COL25A1: variants seen among roughly 807,000 people sequenced by gnomAD.
The protein encoded by COL25A1 is collagen alpha-1(XXV) chain.
In COL25A1, 103 loss-of-function variants were observed where a neutral mutation model predicts 128.4. The observed-to-expected ratio is 0.80, with a 90% confidence interval of 0.68 to 0.94. COL25A1 has a LOEUF of 0.94. Ranked by LOEUF, COL25A1 falls within the 40% of genes least tolerant of loss-of-function variation. The pLI is 0.00. For synonymous variants in COL25A1, 279 were observed against 277.2 expected (o/e 1.01, Z -0.06); for missense variants, 745 against 840.0 (o/e 0.89, Z 1.40).
intron 10 of COL25A1, among the ~76,000 whole-genome samples, chr4:108,938,437 G>T (rs1747690742): frequency 1.3e-5 from 2 of 152,096 alleles, no homozygotes; most frequent in South Asian, 2.1e-4. Flanking sequence ...TTCTAGCAAG[G>T]TATGATGACA....
intron 3 of COL25A1, among the ~76,000 whole-genome samples, chr4:109,131,395 T>C (rs958257512): frequency 2.8e-4 from 43 of 152,190 alleles, no homozygotes; most frequent in African/African-American, 9.9e-4. Context: ...GGCAGAAATG[T>C]AACGGATGAT....
At chr4:108,936,283 T>C (rs1747391295) in intron 11 of COL25A1, among the ~76,000 whole-genome samples, 1 of 152,138 alleles carries the variant, frequency 6.6e-6, no homozygotes, top group Admixed American at 6.5e-5. Flanking sequence ...CCAAAAATTA[T>C]CTGTATTGGG....
At chr4:109,059,018 A>C (rs1239747785) in intron 3 of COL25A1, among the ~76,000 whole-genome samples, 1 of 152,210 alleles carries the variant, frequency 6.6e-6, no homozygotes, top group East Asian at 1.9e-4. Context: ...AGGCATACTA[A>C]AACAATTAGT....
intron 5 of COL25A1, among the ~76,000 whole-genome samples, chr4:109,035,761 T>A (rs974629776): frequency 1.3e-5 from 2 of 152,118 alleles, no homozygotes; most frequent in African/African-American, 4.8e-5. Flanking sequence ...GAATTCCTTA[T>A]AAATTATGAT....
At chr4:108,898,693 T>C (rs544570604) in intron 15 of COL25A1, among the ~76,000 whole-genome samples, 3 of 152,156 alleles carry the variant, frequency 2.0e-5, no homozygotes, top group African/African-American at 4.8e-5. Context: ...TAGAGAGAGA[T>C]GTGGGTGCTT....
chr4:109,285,067 C>G (rs1723745653), intron 3 of COL25A1, among the ~76,000 whole-genome samples: 1 of 151,968 alleles, frequency 6.6e-6, no homozygotes, highest in Non-Finnish European at 1.5e-5. Context: ...CCTGTCAGGC[C>G]ACATCTGGAG....
chr4:109,223,419 C>T (rs1288332820), intron 3 of COL25A1, among the ~76,000 whole-genome samples: 1 of 151,684 alleles, frequency 6.6e-6, no homozygotes, highest in Non-Finnish European at 1.5e-5. Flanking sequence ...AAAAAAACTG[C>T]ACTAATGATA....
intron 24 of COL25A1, among the ~76,000 whole-genome samples, chr4:108,853,378 G>C (rs1736046050): frequency 1.4e-5 from 1 of 69,282 alleles, no homozygotes; most frequent in Non-Finnish European, 3.5e-5. Context: ...CTTTGTGTTT[G>C]TGCGTGTGTG....
intron 31 of COL25A1, among the ~76,000 whole-genome samples, chr4:108,835,604 A>G (rs2125737770): frequency 6.6e-6 from 1 of 152,040 alleles, no homozygotes; most frequent in South Asian, 2.1e-4. Flanking sequence ...GCCCAGGCTG[A>G]AGTGCAATGG....
In COL25A1 at chr4:108,814,562, C is replaced by T. The variant is rs149759221; in HGVS notation, c.1963-633G>A. Among the ~76,000 whole-genome samples the T allele has an allele frequency of 4.4e-3, 666 of 152,278 alleles. 2 individuals are homozygous for T. The highest frequency in any genetic ancestry group is 0.015 in the African/African-American group (629 of 41,544). ...GTTTCTCACCAGATTTCTGGTTTCTCACCACAGATTTCTGCTTTCTCATCT... is the reference window on the plus strand; with the variant it reads ...GTTTCTCACCAGATTTCTGGTTTCTTACCACAGATTTCTGCTTTCTCATCT... On this transcript the variant is annotated intron_variant, in intron 37 of 37. Coordinates refer to ENST00000399132, the MANE Select transcript of COL25A1 (RefSeq NM_198721.4).
At chr4:108,912,160 C>T (rs1342505260) in intron 13 of COL25A1, among the ~76,000 whole-genome samples, 1 of 151,968 alleles carries the variant, frequency 6.6e-6, no homozygotes, top group Non-Finnish European at 1.5e-5. Context: ...GTAGAGTAGC[C>T]TTGTGTATAA....
intron 31 of COL25A1, among the ~76,000 whole-genome samples, chr4:108,837,811 A>C (rs1284286155): frequency 6.6e-6 from 1 of 152,248 alleles, no homozygotes; most frequent in Non-Finnish European, 1.5e-5. Flanking sequence ...CACTTTTAAA[A>C]GAAGGGGACA....
At chr4:109,242,150 A>G (rs1779936319) in intron 3 of COL25A1, among the ~76,000 whole-genome samples, 1 of 151,888 alleles carries the variant, frequency 6.6e-6, no homozygotes, top group Non-Finnish European at 1.5e-5. Flanking sequence ...TTTTGCACAC[A>G]CTTATCTTCT....
At chr4:108,941,976 C>T (rs1748161060) in intron 8 of COL25A1, among the ~76,000 whole-genome samples, 2 of 152,122 alleles carry the variant, frequency 1.3e-5, no homozygotes, top group African/African-American at 2.4e-5. Flanking sequence ...ATTGCTATGC[C>T]CACCTCTGTT....
chr4:109,248,607 C>T (rs569277773), intron 3 of COL25A1, among the ~76,000 whole-genome samples: 24 of 152,316 alleles, frequency 1.6e-4, no homozygotes, highest in African/African-American at 4.8e-4. Flanking sequence ...TCTATCTCCA[C>T]CCATGCCATG....
At chr4:109,098,658 A>C (rs1281790988) in intron 3 of COL25A1, among the ~76,000 whole-genome samples, 3 of 152,212 alleles carry the variant, frequency 2.0e-5, no homozygotes, top group Admixed American at 2.0e-4. Flanking sequence ...TTCTTTATTC[A>C]CATTAGTATT....
intron 3 of COL25A1, among the ~76,000 whole-genome samples, chr4:109,177,916 T>C (rs1449662324): frequency 6.6e-5 from 10 of 152,162 alleles, no homozygotes; most frequent in Admixed American, 5.9e-4. Flanking sequence ...CAGAGAGACA[T>C]GTTAATCTTG....
At chr4:109,298,276 T>C (rs1725184723) in intron 3 of COL25A1, among the ~76,000 whole-genome samples, 1 of 152,182 alleles carries the variant, frequency 6.6e-6, no homozygotes, top group South Asian at 2.1e-4. Context: ...TATCTATAAA[T>C]TCTATGATTA....
At position 108,903,256 on chromosome 4, in the gene COL25A1, T is replaced by C. The variant is rs560092650; in HGVS notation, c.781-2084A>G. On this transcript the variant is annotated intron_variant, in intron 13 of 37. Transcript: ENST00000399132. Reference sequence around the variant, plus strand: ...TTTAACATAAAAGGCAGCAAAAAATTGTACCTGTAATCCCCATCACTCTAT... The same window carrying C: ...TTTAACATAAAAGGCAGCAAAAAATCGTACCTGTAATCCCCATCACTCTAT... Among the ~76,000 whole-genome samples the C allele has an allele frequency of 3.3e-5, 5 of 152,134 alleles. No individual in the cohort carries two copies. The East Asian group carries it at 9.7e-4, about 29-fold the overall frequency.
Sources: gnomAD v4.1 joint callset for allele counts (sites outside exome capture counted in the v4.1 genomes callset) on GRCh38, gnomAD v4.1.1 for gene constraint, MANE v1.5 for transcripts, NCBI Gene and HGNC (gene_info 2026-07-23, HGNC 2026-07-21) for gene names.